The following MED13L variants were observed in gnomAD, a reference collection of about 807,000 sequenced individuals.
MED13L encodes mediator complex subunit 13L.
Under a neutral mutation model 220.9 loss-of-function variants are expected in MED13L, and 7 were observed. That is an observed-to-expected ratio of 0.03 (90% confidence interval 0.02 to 0.06). The LOEUF is 0.06. MED13L is among the 10% of genes least tolerant of loss of function. MED13L has a pLI of 1.00. For missense variants in MED13L, 1,965 were observed against 2,760.5 expected (o/e 0.71, Z 6.46); for synonymous variants, 1,011 against 1,015.2 (o/e 1.00, Z 0.08).
At position 115,969,081 on chromosome 12, in the gene MED13L, G is replaced by A; in HGVS notation, c.6084C>T (p.Asp2028=). The A allele has an allele frequency of 6.2e-7, 1 of 1,613,882 alleles. No homozygotes were observed. The highest frequency in any genetic ancestry group is 8.5e-7 in the Non-Finnish European group (1 of 1,179,880). The part of the protein sequence containing the change: ...FSPNNDDMFV[D]LPFPDDMDND... ...TGTCCATATCATCTGGGAATGGAAGGTCAACAAACATATCATCTAGAGGGA... is the reference window on the plus strand; with the variant it reads ...TGTCCATATCATCTGGGAATGGAAGATCAACAAACATATCATCTAGAGGGA... Residue 2028 remains aspartate, a synonymous_variant, in exon 28 of 31, where the codon GAC becomes GAT. Coordinates refer to ENST00000281928, the MANE Select transcript of MED13L (RefSeq NM_015335.5).
intron 4 of MED13L, among the ~76,000 whole-genome samples, chr12:116,024,218 G>A (rs1022455510): frequency 6.6e-6 from 1 of 151,874 alleles, no homozygotes; most frequent in Non-Finnish European, 1.5e-5. Context: ...TCTAAGAATG[G>A]TGCAAGGAGC....
At chr12:116,138,708 G>A (rs964178366) in intron 2 of MED13L, among the ~76,000 whole-genome samples, 1 of 152,196 alleles carries the variant, frequency 6.6e-6, no homozygotes, top group African/African-American at 2.4e-5. Flanking sequence ...TGACCTAACA[G>A]AAAATTCTAA....
At chr12:116,000,837 A>C (rs973810374) in intron 14 of MED13L, among the ~76,000 whole-genome samples, 1 of 152,200 alleles carries the variant, frequency 6.6e-6, no homozygotes, top group African/African-American at 2.4e-5. Context: ...TATGCTTTCC[A>C]ACACAATATC....
intron 2 of MED13L, among the ~76,000 whole-genome samples, chr12:116,176,415 ATC>A (rs1880064277): frequency 6.6e-6 from 1 of 152,144 alleles, no homozygotes; most frequent in Admixed American, 6.6e-5. Flanking sequence ...CATCATCATC[ATC>A]ATCAAAAAAG....
At chr12:116,235,230 T>C (rs1869964306) in intron 2 of MED13L, among the ~76,000 whole-genome samples, 1 of 152,198 alleles carries the variant, frequency 6.6e-6, no homozygotes, top group African/African-American at 2.4e-5. Context: ...GGACACTTCA[T>C]ATAAATGAAT....
intron 13 of MED13L, among the ~76,000 whole-genome samples, chr12:116,003,868 T>C: frequency 6.6e-6 from 1 of 151,838 alleles, no homozygotes; most frequent in East Asian, 1.9e-4. Context: ...CATTTACGAG[T>C]AGTAAGATGA....
chr12:116,193,156 C>A (rs1334675345), intron 2 of MED13L, among the ~76,000 whole-genome samples: 4 of 151,664 alleles, frequency 2.6e-5, no homozygotes, highest in Admixed American at 6.6e-5. Context: ...ACAAAAAAAA[C>A]AAAAATTAGG....
chr12:116,125,654 A>AT (rs1160122675), intron 2 of MED13L, among the ~76,000 whole-genome samples: 1 of 152,158 alleles, frequency 6.6e-6, no homozygotes, highest in Non-Finnish European at 1.5e-5. Context: ...TGCCCAATCC[A>AT]TGTCTCTCTT....
chr12:116,146,676 G>A (rs1877547847), intron 2 of MED13L, among the ~76,000 whole-genome samples: 1 of 151,804 alleles, frequency 6.6e-6, no homozygotes, highest in African/African-American at 2.4e-5. Flanking sequence ...GACCAGCCTG[G>A]CCAACGTGAG....
At chr12:116,073,177 GGTAT>G (rs1870516773) in intron 4 of MED13L, among the ~76,000 whole-genome samples, 1 of 151,708 alleles carries the variant, frequency 6.6e-6, no homozygotes, top group East Asian at 1.9e-4. Context: ...TTCTTCCATG[GGTAT>G]GTATTTTTTT....
Position 115,983,409 on chromosome 12 carries a change from C to A in MED13L, c.4663G>T (p.Ala1555Ser), listed in dbSNP as rs752752525. The stretch of plus-strand genomic sequence containing the variant: ...TTAAATGCACTGCCAGCTGGGGGAG[C>A]TGCTGATCCATTTGGAGCTAAGGGC... ...AGPLAPNGSA[A>S]PPAGSAFNPT... is the part of the protein sequence containing the mutation. Residue 1555 changes from alanine (A) to serine (S), a missense_variant, in exon 21 of 31, where the codon GCT becomes TCT. Physicochemically the swap from Ala to Ser is moderately conservative, Grantham distance 99. Transcript: ENST00000281928. 9 of 1,614,192 alleles carry A rather than the reference C, an allele frequency of 5.6e-6. No homozygotes were observed. Among genetic ancestry groups the A allele is most frequent in the Non-Finnish European group, 7.6e-6 (9 of 1,180,030 alleles).
At chr12:116,273,099 G>A (rs1220547413) in intron 1 of MED13L, among the ~76,000 whole-genome samples, 2 of 152,162 alleles carry the variant, frequency 1.3e-5, no homozygotes, top group Non-Finnish European at 2.9e-5. Flanking sequence ...GAGGTCGGGA[G>A]TTTGAGACCA....
rs1879921529 is a variant in MED13L at position 116,019,426 on chromosome 12, G to C, written c.821-14C>G. ...TCCGAACACCACCTATAAGCAAAGAGAACAAGGAAAGAATCAGGACTGAGA... is the reference window on the plus strand; with the variant it reads ...TCCGAACACCACCTATAAGCAAAGACAACAAGGAAAGAATCAGGACTGAGA... On this transcript the variant is annotated splice_polypyrimidine_tract_variant and intron_variant, in intron 6 of 30. Coordinates refer to ENST00000281928, the MANE Select transcript of MED13L (RefSeq NM_015335.5). 1.2e-6 allele frequency: 2 copies of C among 1,612,956 alleles called. No individual in the cohort carries two copies. Among genetic ancestry groups the C allele is most frequent in the Non-Finnish European group, 1.7e-6 (2 of 1,179,080 alleles).
intron 2 of MED13L, among the ~76,000 whole-genome samples, chr12:116,132,194 C>T (rs1876129469): frequency 6.8e-6 from 1 of 147,962 alleles, no homozygotes. Flanking sequence ...GGTGAAGAAT[C>T]ACTTGAACCT....
chr12:116,173,555 G>C (rs947386183), intron 2 of MED13L, among the ~76,000 whole-genome samples: 16 of 152,058 alleles, frequency 1.1e-4, no homozygotes, highest in African/African-American at 3.9e-4. Flanking sequence ...ATACATTTTT[G>C]TTTTATAGTT....
Position 116,041,616 on chromosome 12 carries a change from G to A in MED13L, c.480-19015C>T, listed in dbSNP as rs182521483. Among the ~76,000 whole-genome samples, 905 of 152,300 alleles carry A rather than the reference G, an allele frequency of 5.9e-3. 24 individuals carry two copies. The highest frequency in any genetic ancestry group is 0.053 in the Admixed American group (813 of 15,296). On this transcript the variant is annotated intron_variant, in intron 4 of 30. Transcript: ENST00000281928. ...TCCCAGCACTTTGGGAGGCCAAGGC[G>A]GGTGGATCATAAGGTCAGGAGATCA...
chr12:115,981,955 C>T (rs1877359827), intron 22 of MED13L: 1 of 201,352 alleles, frequency 5.0e-6, no homozygotes, highest in Non-Finnish European at 1.0e-5. Context: ...TATCCCTAAT[C>T]AAAAAATCTG....
intron 5 of MED13L, among the ~76,000 whole-genome samples, chr12:116,021,935 C>A (rs1260718482): frequency 1.3e-5 from 2 of 152,076 alleles, no homozygotes; most frequent in African/African-American, 4.8e-5. Context: ...TAAATTACAG[C>A]TAAATACCTA....
chr12:116,212,183 G>A (rs1882738498), intron 2 of MED13L, among the ~76,000 whole-genome samples: 2 of 152,110 alleles, frequency 1.3e-5, no homozygotes, highest in Non-Finnish European at 2.9e-5. Flanking sequence ...AGGAAAGGAC[G>A]TTATTCAAGA....
Sources: gnomAD v4.1 joint callset for allele counts (sites outside exome capture counted in the v4.1 genomes callset) on GRCh38, gnomAD v4.1.1 for gene constraint, MANE v1.5 for transcripts, NCBI Gene and HGNC (gene_info 2026-07-23, HGNC 2026-07-21) for gene names.